Variants in PTPRT observed in about 807,000 individuals in gnomAD.
The protein encoded by PTPRT is protein tyrosine phosphatase receptor type T.
A neutral mutation model predicts 176.8 loss-of-function variants in PTPRT; 56 were observed. The observed-to-expected ratio is 0.32, with a 90% CI of 0.26 to 0.40. The LOEUF (loss-of-function observed/expected upper bound fraction) is 0.40, where lower values mean the gene tolerates loss of function less well. PTPRT is among the 10% of genes least tolerant of loss of function. The pLI, the probability that PTPRT is intolerant of heterozygous loss-of-function variation, is 1.00. For missense variants in PTPRT, 1,540 were observed against 1,908.2 expected, an observed-to-expected ratio of 0.81 and a Z score of 3.60; for synonymous variants, 783 against 739.0, an observed-to-expected ratio of 1.06 and a Z score of -0.96.
rs529219393 is a variant in PTPRT at position 42,102,763 on chromosome 20, G to A, written c.3541-466C>T. On this transcript the variant is annotated intron_variant, in intron 25 of 30. Coordinates refer to ENST00000373187, the MANE Select transcript of PTPRT (RefSeq NM_007050.6). Reference sequence around the variant, plus strand: ...GAGAGAAAGCTGTCTGAGTATGGAAGGATGCCTAGATGACCTGCTCAGGAT... The same window carrying A: ...GAGAGAAAGCTGTCTGAGTATGGAAAGATGCCTAGATGACCTGCTCAGGAT... 6.6e-5 allele frequency among the ~76,000 whole-genome samples: 10 copies of A among 152,316 alleles called. No individual in the cohort carries two copies. The South Asian group carries it at 2.1e-3, about 32-fold the overall frequency.
chr20:42,892,312 T>G (rs1364240822), intron 1 of PTPRT, among the ~76,000 whole-genome samples: 2 of 152,116 alleles, frequency 1.3e-5, no homozygotes, highest in Admixed American at 1.3e-4. Context: ...CTCACCCACA[T>G]GAAGGAATGG....
At chr20:42,967,012 T>G (rs1017294634) in intron 1 of PTPRT, among the ~76,000 whole-genome samples, 9 of 152,356 alleles carry the variant, frequency 5.9e-5, no homozygotes, top group African/African-American at 2.2e-4. Flanking sequence ...TCTGGTATTA[T>G]CTACTCATCA....
intron 17 of PTPRT, among the ~76,000 whole-genome samples, chr20:42,145,641 G>T (rs992561450): frequency 2.0e-5 from 3 of 152,174 alleles, no homozygotes; most frequent in African/African-American, 7.2e-5. Context: ...GGCTGAGTAG[G>T]TGGAATTAGT....
the PTPRT span, among the ~76,000 whole-genome samples, chr20:42,052,925 C>A: frequency 2.0e-5 from 3 of 152,154 alleles, no homozygotes; most frequent in Non-Finnish European, 4.4e-5. Context: ...AATTGGCTAA[C>A]TTTTTCTGTA....
intron 1 of PTPRT, among the ~76,000 whole-genome samples, chr20:43,155,671 G>A (rs1469074081): frequency 3.9e-5 from 6 of 152,074 alleles, no homozygotes; most frequent in African/African-American, 1.4e-4. Flanking sequence ...CAAACAGGGT[G>A]GATGTTGTGC....
chr20:42,564,179 C>T (rs752120558), intron 7 of PTPRT, among the ~76,000 whole-genome samples: 5 of 152,152 alleles, frequency 3.3e-5, no homozygotes, highest in East Asian at 1.9e-4. Flanking sequence ...ACCCAGCAAC[C>T]GCCTAGTCTC....
At chr20:42,637,364 CT>C (rs1205162520) in intron 7 of PTPRT, among the ~76,000 whole-genome samples, 1 of 152,228 alleles carries the variant, frequency 6.6e-6, no homozygotes, top group East Asian at 1.9e-4. Context: ...ACATCATCTC[CT>C]GCCAGTCTCC....
At chr20:42,941,094 T>A (rs534611012) in intron 1 of PTPRT, among the ~76,000 whole-genome samples, 1,755 of 145,892 alleles carry the variant, frequency 0.012, 34 homozygotes, top group African/African-American at 0.042. Context: ...AAAAAAATAA[T>A]AATAATAATA....
intron 5 of PTPRT, among the ~76,000 whole-genome samples, chr20:42,761,546 T>C (rs2076916128): frequency 6.6e-6 from 1 of 152,248 alleles, no homozygotes; most frequent in Non-Finnish European, 1.5e-5. Flanking sequence ...ATTTTTGTTT[T>C]AACAAACCTT....
At chr20:42,694,040 C>CTTTTCT (rs2075832515) in intron 6 of PTPRT, among the ~76,000 whole-genome samples, 3 of 138,450 alleles carry the variant, frequency 2.2e-5, no homozygotes, top group African/African-American at 8.0e-5. Context: ...ATTTTATTTT[C>CTTTTCT]TTTTTTTTTT....
chr20:42,124,988 A>G (rs1275184896), intron 19 of PTPRT, among the ~76,000 whole-genome samples: 2 of 152,090 alleles, frequency 1.3e-5, no homozygotes, highest in African/African-American at 2.4e-5. Flanking sequence ...AGGTTGGGGC[A>G]TATGTTCTTC....
chr20:42,282,632 T>C lies in PTPRT; in HGVS notation c.2140-107A>G, dbSNP rs1022649786. On this transcript the variant is annotated intron_variant, in intron 12 of 30. Transcript: ENST00000373187. ...ATTTGCATATATATTCATGCATATG[T>C]ATTTTTAATTATAATTTTAAATTTG... 6.1e-6 allele frequency: 5 copies of C among 813,148 alleles called. No individual in the cohort carries two copies. The Admixed American group carries it at 1.5e-4, about 24-fold the overall frequency. 50.4% of individuals were successfully genotyped at this position (813,148 alleles called of 1,614,324 possible). A position where few individuals can be genotyped will look rare whatever the true frequency, so the allele number is the denominator to read the frequency against.
chr20:43,074,583 G>A (rs1330610692), intron 1 of PTPRT, among the ~76,000 whole-genome samples: 1 of 152,200 alleles, frequency 6.6e-6, no homozygotes, highest in Admixed American at 6.5e-5. Context: ...TATGTGACTT[G>A]CTCAGAGTCA....
chr20:42,143,488 C>A (rs1168450607), intron 17 of PTPRT, among the ~76,000 whole-genome samples: 1 of 149,044 alleles, frequency 6.7e-6, no homozygotes, highest in Admixed American at 6.8e-5. Flanking sequence ...ACCCGGGAAG[C>A]GGAGCTGGCA....
chr20:42,581,497 T>C (rs1390718354), intron 7 of PTPRT, among the ~76,000 whole-genome samples: 1 of 150,548 alleles, frequency 6.6e-6, no homozygotes, highest in Non-Finnish European at 1.5e-5. Flanking sequence ...GAATATCTAT[T>C]GAATTGCACT....
chr20:42,292,106 C>T (rs1014499836), intron 12 of PTPRT, among the ~76,000 whole-genome samples: 1 of 152,002 alleles, frequency 6.6e-6, no homozygotes, highest in African/African-American at 2.4e-5. Context: ...TCTAGAGCTC[C>T]CTCCCACCAT....
intron 6 of PTPRT, among the ~76,000 whole-genome samples, chr20:42,721,523 G>T (rs2076302857): frequency 6.6e-6 from 1 of 152,220 alleles, no homozygotes; most frequent in Admixed American, 6.5e-5. Flanking sequence ...TGGCCCTCAG[G>T]CTTCTGGTTG....
intron 9 of PTPRT, among the ~76,000 whole-genome samples, chr20:42,428,979 T>A (rs2059192085): frequency 6.6e-6 from 1 of 152,186 alleles, no homozygotes; most frequent in African/African-American, 2.4e-5. Flanking sequence ...AGTGGATTGA[T>A]CATGATTGGG....
intron 7 of PTPRT, among the ~76,000 whole-genome samples, chr20:42,610,279 G>T (rs1569015292): frequency 2.0e-5 from 3 of 152,146 alleles, no homozygotes; most frequent in Non-Finnish European, 4.4e-5. Context: ...TGTCACCCTT[G>T]TGAGCACTTT....
Sources: gnomAD v4.1 joint callset for allele counts (sites outside exome capture counted in the v4.1 genomes callset) on GRCh38, gnomAD v4.1.1 for gene constraint, MANE v1.5 for transcripts, NCBI Gene and HGNC (gene_info 2026-07-23, HGNC 2026-07-21) for gene names.